Variants in HORMAD2 observed in about 807,000 individuals in gnomAD.
HORMAD2 encodes the protein HORMA domain containing 2.
In HORMAD2, 45 loss-of-function variants were observed where a neutral mutation model predicts 38.8. That is an observed-to-expected ratio of 1.16 (90% confidence interval 0.91 to 1.49). HORMAD2 has a LOEUF of 1.49. Among genes scored for constraint, HORMAD2 ranks in the 40% most tolerant of loss-of-function variants. The probability of loss-of-function intolerance (pLI) is 0.00; values close to 1 mark genes in which losing one functional copy is unlikely to be tolerated. For missense variants in HORMAD2, 338 were observed against 367.0 expected, an observed-to-expected ratio of 0.92 and a Z score of 0.65; for synonymous variants, 126 against 122.8, an observed-to-expected ratio of 1.03 and a Z score of -0.17.
intron 10 of HORMAD2, among the ~76,000 whole-genome samples, chr22:30,130,641 A>T (rs1923216495): frequency 1.6e-5 from 2 of 126,578 alleles, no homozygotes; most frequent in South Asian, 5.1e-4. Context: ...CCCAGGCTGG[A>T]GGGCAGTGAC....
chr22:30,097,736 A>ACT lies in HORMAD2; in HGVS notation c.52-1110_52-1109dup, dbSNP rs201317753. Among the ~76,000 whole-genome samples, 7 of 152,142 alleles carry ACT rather than the reference A, an allele frequency of 4.6e-5. No homozygotes were observed. The East Asian group carries it at 1.4e-3, about 29-fold the overall frequency. On this transcript the variant is annotated intron_variant, in intron 2 of 10. Coordinates refer to ENST00000336726, the MANE Select transcript of HORMAD2 (RefSeq NM_152510.4). ...TGAAATCCCACTCTAAGGTACTTGA[A>ACT]CTCTCTCCTGGATGAACACTGGCAG...
At chr22:30,095,394 C>A (rs1389951722) in intron 2 of HORMAD2, among the ~76,000 whole-genome samples, 1 of 152,108 alleles carries the variant, frequency 6.6e-6, no homozygotes, top group Non-Finnish European at 1.5e-5. Context: ...TAAAATGCTT[C>A]TTTGATTTTT....
At chr22:30,145,453 A>G (rs1034813529) in intron 10 of HORMAD2, among the ~76,000 whole-genome samples, 38 of 152,354 alleles carry the variant, frequency 2.5e-4, no homozygotes, top group African/African-American at 9.1e-4. Flanking sequence ...ATATGCTCAA[A>G]TATTTAAAGG....
the HORMAD2 span, among the ~76,000 whole-genome samples, chr22:30,202,990 C>T: frequency 6.6e-6 from 1 of 152,202 alleles, no homozygotes; most frequent in Non-Finnish European, 1.5e-5. Flanking sequence ...GCTGGGCCTA[C>T]AGAGGTGCAC....
chr22:30,191,946 T>C, the HORMAD2 span, among the ~76,000 whole-genome samples: 1 of 152,244 alleles, frequency 6.6e-6, no homozygotes, highest in African/African-American at 2.4e-5. Flanking sequence ...CCAATAATTC[T>C]GCAGCTTCTT....
At chr22:30,156,576 CA>C (rs1433677308) in intron 10 of HORMAD2, among the ~76,000 whole-genome samples, 1 of 152,156 alleles carries the variant, frequency 6.6e-6, no homozygotes, top group Non-Finnish European at 1.5e-5. Context: ...ACATTTTGAA[CA>C]GGGTAGTTTC....
the HORMAD2 span, among the ~76,000 whole-genome samples, chr22:30,189,182 G>A: frequency 1.3e-5 from 2 of 151,984 alleles, no homozygotes; most frequent in South Asian, 4.2e-4. Context: ...TTGAAAACTA[G>A]TTCTAATTCT....
intron 10 of HORMAD2, among the ~76,000 whole-genome samples, chr22:30,140,288 A>G (rs958263086): frequency 5.3e-5 from 8 of 152,184 alleles, no homozygotes; most frequent in African/African-American, 1.9e-4. Context: ...AAAAGTGTGC[A>G]TGAGAGAGAG....
the HORMAD2 span, among the ~76,000 whole-genome samples, chr22:30,200,516 T>G: frequency 0.01 from 1,584 of 152,240 alleles, 20 homozygotes; most frequent in Admixed American, 0.027. Flanking sequence ...GCCTTGATTT[T>G]GGGGTGTTTA....
intron 1 of HORMAD2, among the ~76,000 whole-genome samples, 157 bp downstream of exon 1, chr22:30,080,648 C>T (rs1056830342): frequency 6.6e-6 from 1 of 152,090 alleles, no homozygotes; most frequent in Non-Finnish European, 1.5e-5. Context: ...GCCTAAAGTA[C>T]TGTGAAGAGA....
chr22:30,085,776 AAAATAT>A (rs1284323556), intron 1 of HORMAD2, among the ~76,000 whole-genome samples: 1 of 152,246 alleles, frequency 6.6e-6, no homozygotes. Context: ...ATAAAACTTT[AAAATAT>A]AAAGAATGAG....
intron 10 of HORMAD2, among the ~76,000 whole-genome samples, chr22:30,123,294 T>A (rs939388353): frequency 1.1e-4 from 16 of 151,970 alleles, no homozygotes; most frequent in Admixed American, 9.2e-4. Context: ...GGAAAAAAAA[T>A]GAAGGTTAAG....
chr22:30,135,100 A>C (rs912655602), intron 10 of HORMAD2, among the ~76,000 whole-genome samples: 1 of 147,360 alleles, frequency 6.8e-6, no homozygotes, highest in Non-Finnish European at 1.5e-5. Context: ...ACTCATACTC[A>C]ACCTGTTAAA....
At chr22:30,084,924 T>C (rs1601493397) in intron 1 of HORMAD2, among the ~76,000 whole-genome samples, 1 of 151,984 alleles carries the variant, frequency 6.6e-6, no homozygotes, top group African/African-American at 2.4e-5. Context: ...GGCGGGCGGA[T>C]CATGAGGTCA....
chr22:30,201,958 A>G, the HORMAD2 span, among the ~76,000 whole-genome samples: 1 of 152,302 alleles, frequency 6.6e-6, no homozygotes, highest in African/African-American at 2.4e-5. Context: ...GGAAGAGTAT[A>G]ATGTCCATCT....
intron 10 of HORMAD2, among the ~76,000 whole-genome samples, chr22:30,126,467 G>A (rs868298988): frequency 1.3e-4 from 20 of 151,998 alleles, no homozygotes; most frequent in Admixed American, 7.9e-4. Context: ...ACGCAGGGCC[G>A]AGTATGGACC....
In HORMAD2 at chr22:30,155,473, C is replaced by T. The variant is rs145498775; in HGVS notation, c.820-20590C>T. Among the ~76,000 whole-genome samples, 73 of 152,210 alleles carry T rather than the reference C, an allele frequency of 4.8e-4. 1 individual carries two copies. Among genetic ancestry groups the T allele is most frequent in the Middle Eastern group, 3.4e-3 (1 of 294 alleles). Reference sequence around the variant, plus strand: ...GGCTCTTGTATTCTTTGACATGTCCCTCTAATTAAGCACTTCCTTACATCC... The same window carrying T: ...GGCTCTTGTATTCTTTGACATGTCCTTCTAATTAAGCACTTCCTTACATCC... On this transcript the variant is annotated intron_variant, in intron 10 of 10. Coordinates refer to ENST00000336726, the MANE Select transcript of HORMAD2 (RefSeq NM_152510.4).
In HORMAD2 at chr22:30,094,143, T is replaced by C. The variant is rs1019744275; in HGVS notation, c.51+140T>C. On this transcript the variant is annotated intron_variant, in intron 2 of 10. Coordinates refer to ENST00000336726, the MANE Select transcript of HORMAD2 (RefSeq NM_152510.4). ...ACATAATATTCTGGGAGAGTATGTG[T>C]ACATTTTAACTGCCTAATAGACCAA... 12 of 589,326 alleles carry C rather than the reference T, an allele frequency of 2.0e-5. No homozygotes were observed. The African/African-American group carries it at 2.3e-4, about 11-fold the overall frequency. The allele number at this position is 589,326 out of a possible 1,614,324, so 36.5% of individuals were successfully genotyped here. A position where few individuals can be genotyped will look rare whatever the true frequency, so the allele number is the denominator to read the frequency against.
intron 10 of HORMAD2, among the ~76,000 whole-genome samples, chr22:30,149,403 A>C (rs368138691): frequency 7.2e-5 from 11 of 152,344 alleles, no homozygotes; most frequent in South Asian, 2.1e-4. Context: ...TAAACATTTC[A>C]AGTGTTCTAG....
Sources: gnomAD v4.1 joint callset for allele counts (sites outside exome capture counted in the v4.1 genomes callset) on GRCh38, gnomAD v4.1.1 for gene constraint, MANE v1.5 for transcripts, NCBI Gene and HGNC (gene_info 2026-07-23, HGNC 2026-07-21) for gene names.